ABI2: variants seen among roughly 807,000 people sequenced by gnomAD.
ABI2 encodes abl interactor 2.
ABI2 carries 25 observed loss-of-function variants against 59.2 expected under a neutral mutation model. That is an observed-to-expected ratio of 0.42 (90% CI 0.31 to 0.59). The LOEUF (loss-of-function observed/expected upper bound fraction) is 0.59, where lower values mean the gene tolerates loss of function less well. Ranked by LOEUF, ABI2 falls within the 20% of genes least tolerant of loss-of-function variation. The pLI, the probability that ABI2 is intolerant of heterozygous loss-of-function variation, is 0.14. For missense variants in ABI2, 545 were observed against 681.8 expected, an observed-to-expected ratio of 0.80 and a Z score of 2.23; for synonymous variants, 213 against 235.5, an observed-to-expected ratio of 0.90 and a Z score of 0.87.
chr2:203,417,926 A>G (rs1392211473), intron 11 of ABI2, among the ~76,000 whole-genome samples: 1 of 152,230 alleles, frequency 6.6e-6, no homozygotes, highest in Non-Finnish European at 1.5e-5. Context: ...GTAAAGGAGA[A>G]CATGAACATG....
At chr2:203,393,795 A>G (rs1052579413) in intron 5 of ABI2, among the ~76,000 whole-genome samples, 1 of 151,894 alleles carries the variant, frequency 6.6e-6, no homozygotes, top group South Asian at 2.1e-4. Flanking sequence ...GATCTCATCT[A>G]CAATATGTCA....
At chr2:203,370,297 A>C (rs1257971810) in intron 2 of ABI2, among the ~76,000 whole-genome samples, 1 of 146,694 alleles carries the variant, frequency 6.8e-6, no homozygotes, top group African/African-American at 2.5e-5. Context: ...GATGTTGCCC[A>C]GGGTGGTCTT....
intron 2 of ABI2, among the ~76,000 whole-genome samples, chr2:203,367,786 T>C (rs1225691586): frequency 1.3e-5 from 2 of 152,038 alleles, no homozygotes; most frequent in Non-Finnish European, 2.9e-5. Flanking sequence ...GAGGATCGCT[T>C]CAGCCCAGGA....
At chr2:203,332,158 C>T (rs992646253) in intron 1 of ABI2, among the ~76,000 whole-genome samples, 3 of 151,968 alleles carry the variant, frequency 2.0e-5, no homozygotes, top group African/African-American at 7.3e-5. Flanking sequence ...ATTATTCTAA[C>T]CTCTAGAAAA....
chr2:203,349,142 T>G (rs1234283892), intron 1 of ABI2, among the ~76,000 whole-genome samples: 1 of 151,950 alleles, frequency 6.6e-6, no homozygotes, highest in East Asian at 1.9e-4. Context: ...GGCTTTTGCC[T>G]TGTTGCGCAA....
chr2:203,335,127 T>C (rs1285725020), intron 1 of ABI2, among the ~76,000 whole-genome samples: 1 of 152,202 alleles, frequency 6.6e-6, no homozygotes, highest in Non-Finnish European at 1.5e-5. Context: ...TTCTTAAAAA[T>C]TTCTATATTT....
chr2:203,334,768 C>G (rs762199273), intron 1 of ABI2, among the ~76,000 whole-genome samples: 1 of 151,670 alleles, frequency 6.6e-6, no homozygotes, highest in Non-Finnish European at 1.5e-5. Context: ...TCAAGCAATT[C>G]TCCTGTCTCA....
chr2:203,331,367 T>TTTG (rs1198154445), intron 1 of ABI2, among the ~76,000 whole-genome samples: 3 of 146,372 alleles, frequency 2.0e-5, no homozygotes, highest in African/African-American at 7.6e-5. Context: ...TTTTTTTTTT[T>TTTG]TCTGAGACAG....
intron 2 of ABI2, among the ~76,000 whole-genome samples, chr2:203,367,707 G>GT (rs527506409): frequency 1.6e-4 from 24 of 151,890 alleles, no homozygotes; most frequent in South Asian, 6.3e-4. Flanking sequence ...CCTGTAAGTA[G>GT]TTTTTTTTAA....
At chr2:203,401,477 A>G (rs1197924612) in intron 8 of ABI2, among the ~76,000 whole-genome samples, 1 of 152,154 alleles carries the variant, frequency 6.6e-6, no homozygotes. Context: ...CAGTCAAGGT[A>G]AAGTTTAGGG....
At chr2:203,389,058 G>A (rs139430659) in intron 4 of ABI2, among the ~76,000 whole-genome samples, 114 of 152,046 alleles carry the variant, frequency 7.5e-4, no homozygotes, top group Middle Eastern at 3.4e-3. Context: ...AAAATCTTCT[G>A]GTTTCAGAAA....
chr2:203,329,072 G>GAGT (rs1445333700), intron 1 of ABI2: 1 of 154,498 alleles, frequency 6.5e-6, no homozygotes, highest in African/African-American at 2.4e-5. Context: ...TCTTGCTGCA[G>GAGT]AGTGAAGTGC....
chr2:203,341,617 C>T (rs560637741), intron 1 of ABI2, among the ~76,000 whole-genome samples: 133 of 151,970 alleles, frequency 8.8e-4, no homozygotes, highest in Non-Finnish European at 1.6e-3. Flanking sequence ...GGCTGAGGCA[C>T]GAGAGTTGCT....
At chr2:203,333,249 A>G (rs533173403) in intron 1 of ABI2, among the ~76,000 whole-genome samples, 11 of 152,354 alleles carry the variant, frequency 7.2e-5, no homozygotes, top group Middle Eastern at 6.8e-3. Context: ...AAATTGCCCG[A>G]TCATCTTGAA....
At chr2:203,367,283 C>A in intron 2 of ABI2, 10 of 355,358 alleles carry the variant, frequency 2.8e-5, no homozygotes, top group Non-Finnish European at 4.0e-5. Context: ...GTCATGGTAA[C>A]ATAATCAGCC....
chr2:203,359,305 A>G (rs567090161), intron 1 of ABI2, among the ~76,000 whole-genome samples: 14 of 152,270 alleles, frequency 9.2e-5, no homozygotes, highest in African/African-American at 3.4e-4. Context: ...GAAGACTTCT[A>G]ATTCCCAAGT....
At chr2:203,335,840 A>G (rs1031853519) in intron 1 of ABI2, among the ~76,000 whole-genome samples, 1 of 152,214 alleles carries the variant, frequency 6.6e-6, no homozygotes, top group African/African-American at 2.4e-5. Context: ...TAATACATAT[A>G]TGGTACAAGT....
rs2097269360 is a variant in ABI2 at position 203,402,678 on chromosome 2, C to A, written c.1136C>A (p.Ser379Ter). 2 of 1,607,360 alleles carry A rather than the reference C, an allele frequency of 1.2e-6. No individual in the cohort carries two copies. The highest frequency in any genetic ancestry group is 4.5e-5 in the East Asian group (2 of 44,530). ...TATAGACGCCCTCCTTCCATTACTT[C>A]ACAAACAAGCCTTCAGAATCAGATG... ...LPYRRPPSIT[S>*]QTSLQNQMNG... The change falls in exon 9 of 12, where the codon TCA becomes TAA. Residue 379 changes from serine (S) to a stop codon, truncating the protein, a stop_gained. Coordinates refer to ENST00000261018, the MANE Select transcript of ABI2 (RefSeq NM_001375670.1). LOFTEE classifies it high-confidence loss of function.
At chr2:203,406,120 G>T (rs1351722558) in intron 9 of ABI2, among the ~76,000 whole-genome samples, 1 of 152,104 alleles carries the variant, frequency 6.6e-6, no homozygotes, top group Non-Finnish European at 1.5e-5. Flanking sequence ...TAAGGAGGGG[G>T]TCATAGAAAC....
Sources: allele counts gnomAD v4.1 joint callset (sites outside exome capture counted in the v4.1 genomes callset), GRCh38; gene constraint gnomAD v4.1.1; transcripts MANE v1.5; gene names NCBI Gene and HGNC (gene_info 2026-07-23, HGNC 2026-07-21).